COP1: variants seen among roughly 807,000 people sequenced by gnomAD.
COP1 encodes COP1 E3 ubiquitin ligase.
A neutral mutation model predicts 101.3 loss-of-function variants in COP1; 24 were observed. The ratio of observed to expected loss-of-function variants is 0.24; its 90% CI spans 0.17 to 0.33. COP1 has a LOEUF of 0.33. Ranked by LOEUF, COP1 falls within the 10% of genes least tolerant of loss-of-function variation. The probability of loss-of-function intolerance (pLI) is 1.00; values close to 1 mark genes in which losing one functional copy is unlikely to be tolerated. For synonymous variants in COP1, 347 were observed against 341.9 expected (o/e 1.01, Z -0.17); for missense variants, 663 against 906.2 (o/e 0.73, Z 3.45).
chr1:175,956,690 G>A (rs1053495963), intron 18 of COP1, among the ~76,000 whole-genome samples: 2 of 152,128 alleles, frequency 1.3e-5, no homozygotes, highest in African/African-American at 4.8e-5. Context: ...TTTGGTCAAC[G>A]ATGGGTCACA....
intron 15 of COP1, among the ~76,000 whole-genome samples, chr1:176,006,130 G>A (rs1222201753): frequency 6.6e-6 from 1 of 152,010 alleles, no homozygotes; most frequent in Non-Finnish European, 1.5e-5. Flanking sequence ...TTTGATCTTT[G>A]TTGGTTTAAA....
chr1:176,205,504 C>A (rs887688679), intron 1 of COP1, among the ~76,000 whole-genome samples: 14 of 152,152 alleles, frequency 9.2e-5, no homozygotes, highest in African/African-American at 3.4e-4. Flanking sequence ...TCTGAATCAA[C>A]TTCCCTCATA....
intron 15 of COP1, among the ~76,000 whole-genome samples, chr1:176,009,538 T>C (rs1333391271): frequency 6.6e-6 from 1 of 152,200 alleles, no homozygotes; most frequent in Non-Finnish European, 1.5e-5. Flanking sequence ...AATTGCGTAC[T>C]GCACGAAGGT....
intron 15 of COP1, among the ~76,000 whole-genome samples, chr1:176,005,933 A>G (rs1363401592): frequency 6.6e-6 from 1 of 152,014 alleles, no homozygotes; most frequent in East Asian, 1.9e-4. Context: ...TGATCTGTCT[A>G]ATGTTGACAG....
Position 176,082,482 on chromosome 1 carries a change from G to A in COP1, c.1142-1195C>T, listed in dbSNP as rs571416672. Among the ~76,000 whole-genome samples the A allele has an allele frequency of 1.1e-4, 17 of 152,206 alleles. No homozygotes were observed. The East Asian group carries it at 1.2e-3, about 10-fold the overall frequency. ...TCTTGAAAATAACTGTTTGCATGACGAAATTTATGTAACAATTATTATAAG... is the reference window on the plus strand; with the variant it reads ...TCTTGAAAATAACTGTTTGCATGACAAAATTTATGTAACAATTATTATAAG... On this transcript the variant is annotated intron_variant, in intron 10 of 19. Transcript: ENST00000367669.
intron 6 of COP1, among the ~76,000 whole-genome samples, chr1:176,143,096 T>C (rs1283472388): frequency 2.8e-5 from 4 of 143,516 alleles, no homozygotes. Context: ...GATATATTCC[T>C]GGCAAGAATT....
At chr1:176,160,214 C>A in intron 5 of COP1, 1 of 357,286 alleles carries the variant, frequency 2.8e-6, no homozygotes, top group South Asian at 2.1e-5. Context: ...CTCACTTTCA[C>A]TATGTAATTA....
At chr1:176,027,900 A>T (rs1332599579) in intron 14 of COP1, among the ~76,000 whole-genome samples, 1 of 430 alleles carries the variant, frequency 2.3e-3, no homozygotes, top group African/African-American at 2.5e-3. Flanking sequence ...GTAATTTATT[A>T]AAAAAAAAAA....
At chr1:176,045,065 C>A (rs912359136) in intron 12 of COP1, among the ~76,000 whole-genome samples, 1 of 152,108 alleles carries the variant, frequency 6.6e-6, no homozygotes, top group Admixed American at 6.5e-5. Flanking sequence ...ACTCTAGAAC[C>A]AAACTACTTC....
intron 14 of COP1, among the ~76,000 whole-genome samples, chr1:176,036,642 A>C (rs1056687042): frequency 6.6e-6 from 1 of 152,164 alleles, no homozygotes; most frequent in Non-Finnish European, 1.5e-5. Context: ...ATGTGCATTC[A>C]GTAGGAACCA....
At chr1:176,007,523 G>A (rs1571620994) in intron 15 of COP1, among the ~76,000 whole-genome samples, 2 of 150,768 alleles carry the variant, frequency 1.3e-5, no homozygotes, top group African/African-American at 4.8e-5. Flanking sequence ...TGGGTTTTTG[G>A]TGTGGATGTC....
chr1:176,031,167 G>T (rs565793499), intron 14 of COP1, among the ~76,000 whole-genome samples: 1 of 152,314 alleles, frequency 6.6e-6, no homozygotes, highest in South Asian at 2.1e-4. Flanking sequence ...ACAAATTTCT[G>T]TTGTCTTAAG....
At chr1:176,109,481 G>A (rs1484632615) in intron 9 of COP1, among the ~76,000 whole-genome samples, 2 of 151,796 alleles carry the variant, frequency 1.3e-5, no homozygotes, top group African/African-American at 4.8e-5. Context: ...TTTTGTTACA[G>A]CAGTCTTAGA....
At chr1:176,129,527 A>G (rs1050260468) in intron 8 of COP1, among the ~76,000 whole-genome samples, 9 of 151,988 alleles carry the variant, frequency 5.9e-5, no homozygotes, top group African/African-American at 2.2e-4. Context: ...TAGATCAAAA[A>G]ATTTTATTTA....
At chr1:176,199,992 G>C (rs902135245) in intron 1 of COP1, among the ~76,000 whole-genome samples, 16 of 152,028 alleles carry the variant, frequency 1.1e-4, no homozygotes, top group Non-Finnish European at 5.9e-5. Context: ...GGTTAACTTG[G>C]GTAACCATTT....
intron 14 of COP1, among the ~76,000 whole-genome samples, chr1:176,037,610 ATTCATGT>A (rs1669798296): frequency 6.6e-6 from 1 of 152,138 alleles, no homozygotes; most frequent in Non-Finnish European, 1.5e-5. Flanking sequence ...AGAATAATAC[ATTCATGT>A]TTATCCTGGG....
chr1:176,011,371 T>C (rs939905620), intron 15 of COP1, among the ~76,000 whole-genome samples: 1 of 152,162 alleles, frequency 6.6e-6, no homozygotes, highest in Non-Finnish European at 1.5e-5. Flanking sequence ...AATCTACAAA[T>C]ATGTATGGTG....
At chr1:176,067,437 T>G (rs2149331229) in intron 11 of COP1, among the ~76,000 whole-genome samples, 1 of 152,270 alleles carries the variant, frequency 6.6e-6, no homozygotes, top group South Asian at 2.1e-4. Flanking sequence ...CAACTGGATG[T>G]GCAGAGGAAC....
chr1:176,065,733 A>C (rs1255995108), intron 11 of COP1, among the ~76,000 whole-genome samples: 3 of 124,722 alleles, frequency 2.4e-5, no homozygotes, highest in African/African-American at 9.5e-5. Flanking sequence ...TTTCAGACGG[A>C]GTCTTGCTCC....
Sources: gnomAD v4.1 joint callset for allele counts (sites outside exome capture counted in the v4.1 genomes callset) on GRCh38, gnomAD v4.1.1 for gene constraint, MANE v1.5 for transcripts, NCBI Gene and HGNC (gene_info 2026-07-23, HGNC 2026-07-21) for gene names.